Variants in CDHR5 observed in about 807,000 individuals in gnomAD.
CDHR5 encodes the protein cadherin related family member 5.
Under a neutral mutation model 69.5 loss-of-function variants are expected in CDHR5, and 82 were observed. That is an observed-to-expected ratio of 1.18 (90% confidence interval 0.99 to 1.42). CDHR5 has a LOEUF of 1.42. Ranked by LOEUF, CDHR5 falls within the 40% of genes most tolerant of loss-of-function variation. The pLI is 0.00. For synonymous variants in CDHR5, 601 were observed against 510.2 expected, an observed-to-expected ratio of 1.18 and a Z score of -2.40; for missense variants, 1,293 against 1,168.9, an observed-to-expected ratio of 1.11 and a Z score of -1.55.
At chr11:618,388 G>A (rs1038625375) in intron 13 of CDHR5, among the ~76,000 whole-genome samples, 2 of 152,228 alleles carry the variant, frequency 1.3e-5, no homozygotes, top group Non-Finnish European at 2.9e-5. Context: ...CGTGGGATTC[G>A]CTGGACCCCA....
Position 619,316 on chromosome 11 carries a change from G to A in CDHR5, c.1368C>T (p.Pro456=). 3 of 1,610,532 alleles carry A rather than the reference G, an allele frequency of 1.9e-6. No individual in the cohort carries two copies. The highest frequency in any genetic ancestry group is 2.5e-6 in the Non-Finnish European group (3 of 1,177,542). Residue 456 remains proline, a synonymous_variant, in exon 12 of 15, where the codon CCC becomes CCT. Coordinates refer to ENST00000397542, the MANE Select transcript of CDHR5 (RefSeq NM_021924.5). ...TGGAGGGGGGCTTACCTGTGGAGGG[G>A]GGCTCCTGTTCGGAAACTTGTATCT... is the stretch of plus-strand genomic sequence containing the variant. ...VIEIQVSEQE[P]PSTDVPPSPE... is the part of the protein sequence containing the mutation.
Position 621,780 on chromosome 11 carries a change from G to T in CDHR5, c.405+32C>A. 6.3e-7 allele frequency: 1 copy of T among 1,594,560 alleles called. No homozygotes were observed. The highest frequency in any genetic ancestry group is 1.1e-5 in the South Asian group (1 of 90,246). On this transcript the variant is annotated intron_variant, in intron 4 of 14. Coordinates refer to ENST00000397542, the MANE Select transcript of CDHR5 (RefSeq NM_021924.5). This position sits in a 1 kb window ranked among gnomAD's most constrained non-coding sequence, Gnocchi z 4.4. ...CCTCACCCTGGGCTCCCACACCCCC[G>T]TGCCCAGTCCCCGCGGCTTCGCTGG... is the stretch of plus-strand genomic sequence containing the variant.
rs139328438 is a variant in CDHR5 at position 619,022 on chromosome 11, G to T, written c.1537C>A (p.Pro513Thr). 7 of 1,613,616 alleles carry T rather than the reference G, an allele frequency of 4.3e-6. No individual in the cohort carries two copies. In the East Asian group the frequency reaches 1.6e-4, roughly 36 times the overall value. Reference protein sequence around the residue: ...HPPSGTTLRPPTSSTPGGPPG... With the variant: ...HPPSGTTLRPTTSSTPGGPPG... ...GGCCCCCCGGGTGTGGACGAGGTTG[G>T]TGGCCTCAGAGTTGTGCCAGAGGGT... The change falls in exon 13 of 15, where the codon CCA becomes ACA. Residue 513 changes from proline to threonine, a missense_variant. By Grantham distance (38) the Pro-to-Thr change is conservative (BLOSUM62 -1). Coordinates refer to ENST00000397542, the MANE Select transcript of CDHR5 (RefSeq NM_021924.5).
At position 617,361 on chromosome 11, in the gene CDHR5, G is replaced by A. The variant is rs753438557; in HGVS notation, c.2528C>T (p.Ser843Phe). The A allele has an allele frequency of 5.0e-6, 8 of 1,603,652 alleles. No homozygotes were observed. Among genetic ancestry groups the A allele is most frequent in the Non-Finnish European group, 6.8e-6 (8 of 1,173,644 alleles). The change falls in exon 15 of 15, where the codon TCC becomes TTC. Residue 843 changes from serine (S) to phenylalanine (F), a missense_variant. Transcript: ENST00000397542. ...GGGTGGAGGGGCCACTTAGATGTAG[G>A]AGTCATCACCACCGGGCGCATCGTA... Reference protein sequence around the residue: ...GPYDAPGGDDSYI With the variant: ...GPYDAPGGDDFYI
rs137998609 is a variant in CDHR5, at chr11:617,593, G to C, written c.2296C>G (p.Arg766Gly). The change falls in exon 15 of 15, where the codon CGA becomes GGA. Residue 766 changes from arginine (R) to glycine (G), a missense_variant. Physicochemically the swap from Arg to Gly is moderately radical, Grantham distance 125 (BLOSUM62 -2). Coordinates refer to ENST00000397542, the MANE Select transcript of CDHR5 (RefSeq NM_021924.5). ...GGAPEPPAAA[R>G]AGGSPTAVRS... ...ACCGCCGTGGGGCTTCCGCCAGCTC[G>C]GGCCGCTGCGGGGGGCTCAGGGGCA... is the stretch of plus-strand genomic sequence containing the variant. 0.015 allele frequency: 24,539 copies of C among 1,607,730 alleles called. 225 individuals carry two copies. The highest frequency in any genetic ancestry group is 0.02 in the Middle Eastern group (119 of 5,992).
chr11:620,905 T>C (rs1456475870), intron 7 of CDHR5, among the ~76,000 whole-genome samples, 175 bp downstream of exon 7: 1 of 152,114 alleles, frequency 6.6e-6, no homozygotes, highest in African/African-American at 2.4e-5. Flanking sequence ...CCCTCACCGC[T>C]CAAGATGGGA....
rs537547957 is a variant in CDHR5 at position 618,055 on chromosome 11, C to T, written c.2017G>A (p.Gly673Arg). The change falls in exon 14 of 15, where the codon GGG becomes AGG. Residue 673 changes from glycine (G) to arginine (R), a missense_variant. Transcript: ENST00000397542. ...FSVVDMAALG[G>R]VLGALLLLAL... is the part of the protein sequence containing the mutation. Reference sequence around the variant, plus strand: ...AGCAGCAGCAGCGCACCCAGCACCCCGCCCAGGGCCGCCATATCCACCACC... The same window carrying T: ...AGCAGCAGCAGCGCACCCAGCACCCTGCCCAGGGCCGCCATATCCACCACC... The T allele has an allele frequency of 4.9e-5, 79 of 1,612,136 alleles. No homozygotes were observed. The East Asian group carries it at 1.1e-3, about 23-fold the overall frequency.
At chr11:622,830 C>A (rs377273685) in intron 3 of CDHR5, among the ~76,000 whole-genome samples, 1 of 152,088 alleles carries the variant, frequency 6.6e-6, no homozygotes, top group African/African-American at 2.4e-5. Flanking sequence ...CTGGGAAAAG[C>A]GGTCACTTTC....
At chr11:618,172 A>C (rs6598008) in intron 13 of CDHR5, 61 bp from the exon 14 acceptor site, 1 of 1,420,818 alleles carries the variant, frequency 7.0e-7, no homozygotes, top group East Asian at 2.3e-5. Context: ...GGCATTTCCC[A>C]TGCCAACCTG....
chr11:620,093 G>GGCT lies in CDHR5; in HGVS notation c.949_951dup (p.Ser317dup). The GGCT allele has an allele frequency of 6.2e-7, 1 of 1,613,294 alleles. No individual in the cohort carries two copies. The highest frequency in any genetic ancestry group is 8.5e-7 in the Non-Finnish European group (1 of 1,179,672). ...TTCACCAGCAGAAGGAAGGTCATGG[G>GGCT]GCTGGGGACACTCCTGGCCACGGTG... On this transcript the variant is annotated inframe_insertion, in exon 9 of 15. Transcript: ENST00000397542.
In CDHR5 at chr11:616,965, C is replaced by CA; in HGVS notation, c.*385_*386insT. 2 of 240,930 alleles carry CA rather than the reference C, an allele frequency of 8.3e-6. No homozygotes were observed. Among genetic ancestry groups the CA allele is most frequent in the South Asian group, 8.6e-5 (1 of 11,668 alleles). 14.9% of individuals were successfully genotyped at this position (240,930 alleles called of 1,614,324 possible). On this transcript the variant is annotated 3_prime_UTR_variant, in exon 15 of 15. Coordinates refer to ENST00000397542, the MANE Select transcript of CDHR5 (RefSeq NM_021924.5). Reference sequence around the variant, plus strand: ...CTGTGTAGGGTCGGGAGCGGGAGGTCTGAGATGAGCCGGGTGCCTGAGATC... The same window carrying CA: ...CTGTGTAGGGTCGGGAGCGGGAGGTCATGAGATGAGCCGGGTGCCTGAGATC...
Position 624,926 on chromosome 11 carries a change from A to C in CDHR5, c.-24T>G. 2 of 1,534,838 alleles carry C rather than the reference A, an allele frequency of 1.3e-6. No individual in the cohort carries two copies. Among genetic ancestry groups the C allele is most frequent in the South Asian group, 1.2e-5 (1 of 84,500 alleles). On this transcript the variant is annotated 5_prime_UTR_variant, in exon 1 of 15. Transcript: ENST00000397542. This position sits in a 1 kb window ranked among gnomAD's most constrained non-coding sequence, Gnocchi z 5.3. ...ATCTTGGCGGCTGTCACCTGGCAGG[A>C]GGGTCTGAGCGGGTCTGGCGTCTAG...
chr11:616,969 G>GCCGT lies in CDHR5; in HGVS notation c.*381_*382insACGG. 1 of 251,000 alleles carries GCCGT rather than the reference G, an allele frequency of 4.0e-6. No homozygotes were observed. Among genetic ancestry groups the GCCGT allele is most frequent in the Non-Finnish European group, 7.8e-6 (1 of 128,980 alleles). 15.5% of individuals were successfully genotyped at this position (251,000 alleles called of 1,614,324 possible). A position where few individuals can be genotyped will look rare whatever the true frequency, so the allele number is the denominator to read the frequency against. On this transcript the variant is annotated 3_prime_UTR_variant, in exon 15 of 15. Coordinates refer to ENST00000397542, the MANE Select transcript of CDHR5 (RefSeq NM_021924.5). The stretch of plus-strand genomic sequence containing the variant: ...GTAGGGTCGGGAGCGGGAGGTCTGA[G>GCCGT]ATGAGCCGGGTGCCTGAGATCTCCG...
intron 3 of CDHR5, among the ~76,000 whole-genome samples, chr11:622,676 AT>A (rs1312671964): frequency 2.0e-5 from 3 of 149,418 alleles, no homozygotes; most frequent in Admixed American, 2.0e-4. Context: ...GGGTTTCACC[AT>A]TTTGGCCACA....
rs2133177123 is a variant in CDHR5, at chr11:617,824, C to G, written c.2119-54G>C. ...GGTCCCTGGGTCTCTGCAGCCTTGG[C>G]CCTGCACACCCTCATTCCACGCTGG... On this transcript the variant is annotated intron_variant, in intron 14 of 14. Transcript: ENST00000397542. 3 of 1,464,964 alleles carry G rather than the reference C, an allele frequency of 2.0e-6. No homozygotes were observed. In the South Asian group the frequency reaches 4.1e-5, roughly 20 times the overall value. 90.7% of individuals were successfully genotyped at this position (1,464,964 alleles called of 1,614,324 possible).
At position 624,858 on chromosome 11, in the gene CDHR5, C is replaced by T. The variant is rs377163782; in HGVS notation, c.45G>A (p.Gly15=). 1.7e-5 allele frequency: 27 copies of T among 1,589,848 alleles called. No homozygotes were observed. In the African/African-American group the frequency reaches 3.2e-4, roughly 19 times the overall value. ...ALLWPPLLFT[G]LLVRPPGTMA... ...TGGTCCCCGGGGGTCGGACGAGCAGCCCGGTGAACAGCAGGGGAGGCCACA... is the reference window on the plus strand; with the variant it reads ...TGGTCCCCGGGGGTCGGACGAGCAGTCCGGTGAACAGCAGGGGAGGCCACA... Residue 15 remains glycine (G), a synonymous_variant, in exon 1 of 15, where the codon GGG becomes GGA. Transcript: ENST00000397542. The surrounding 1 kb of genome is among the most constrained non-coding windows in gnomAD (Gnocchi z 5.3).
chr11:618,131 C>G lies in CDHR5; in HGVS notation c.1961-20G>C, dbSNP rs116537619. 1.9e-6 allele frequency: 3 copies of G among 1,596,384 alleles called. No individual in the cohort carries two copies. Among genetic ancestry groups the G allele is most frequent in the Non-Finnish European group, 1.7e-6 (2 of 1,170,008 alleles). ...CGCCACCTGGCATCGCAGTGGAAAA[C>G]GTCATCATCCCCGCACTGTTGAGTG... is the stretch of plus-strand genomic sequence containing the variant. On this transcript the variant is annotated intron_variant, in intron 13 of 14. Transcript: ENST00000397542.
intron 7 of CDHR5, 99 bp downstream of exon 7, chr11:620,981 T>G: frequency 3.4e-5 from 13 of 376,942 alleles, no homozygotes; most frequent in East Asian, 1.1e-4. Flanking sequence ...CCCCACCCCC[T>G]GACCCCGACC....
chr11:619,542 A>C lies in CDHR5; in HGVS notation c.1225T>G (p.Phe409Val). 4 of 1,613,946 alleles carry C rather than the reference A, an allele frequency of 2.5e-6. No homozygotes were observed. The South Asian group carries it at 4.4e-5, about 18-fold the overall frequency. ...ITYRITNHSHFRMEGEVVLTT... is the reference protein window; with the variant it reads ...ITYRITNHSHVRMEGEVVLTT... ...AGCACAACCTCTCCCTCCATCCGGA[A>C]GTGTGAGTGGTTGGTAATTCGATAT... Residue 409 changes from phenylalanine (F) to valine (V), a missense_variant, in exon 11 of 15, where the codon TTC becomes GTC. Physicochemically the swap from Phe to Val is conservative, Grantham distance 50. Coordinates refer to ENST00000397542, the MANE Select transcript of CDHR5 (RefSeq NM_021924.5).
Sources: gnomAD v4.1 joint callset for allele counts (sites outside exome capture counted in the v4.1 genomes callset) on GRCh38, gnomAD v4.1.1 for gene constraint, Gnocchi (gnomAD v3.1) non-coding constraint, MANE v1.5 for transcripts, NCBI Gene and HGNC (gene_info 2026-07-23, HGNC 2026-07-21) for gene names.